Variants in LIPH observed in about 807,000 individuals in gnomAD.
LIPH encodes lipase H, also known as lipase member H.
LIPH carries 32 observed loss-of-function variants against 47.6 expected under a neutral mutation model. The observed-to-expected ratio is 0.67, with a 90% CI of 0.51 to 0.90. LIPH has a LOEUF of 0.90. Ranked by LOEUF, LIPH falls within the 40% of genes least tolerant of loss-of-function variation. The pLI is 0.00. For synonymous variants in LIPH, 190 were observed against 195.6 expected, an observed-to-expected ratio of 0.97 and a Z score of 0.24; for missense variants, 497 against 541.4, an observed-to-expected ratio of 0.92 and a Z score of 0.81.
chr3:185,529,458 C>T (rs1163062727), intron 3 of LIPH, among the ~76,000 whole-genome samples: 9 of 146,818 alleles, frequency 6.1e-5, no homozygotes, highest in South Asian at 4.3e-4. Flanking sequence ...GGAGGAGAGC[C>T]GGTTGTAGGG....
intron 1 of LIPH, among the ~76,000 whole-genome samples, chr3:185,536,287 T>C (rs1577683219): frequency 6.6e-6 from 1 of 152,162 alleles, no homozygotes; most frequent in Admixed American, 6.5e-5. Context: ...TGGGAGATGA[T>C]GAGTATCTTC....
At chr3:185,523,725 A>T (rs1417828079) in intron 5 of LIPH, among the ~76,000 whole-genome samples, 1 of 143,624 alleles carries the variant, frequency 7.0e-6, no homozygotes, top group African/African-American at 2.6e-5. Context: ...CCTTTTTTTT[A>T]ATTTTTATTT....
chr3:185,545,509 A>G (rs550487614), intron 1 of LIPH, among the ~76,000 whole-genome samples: 125 of 152,352 alleles, frequency 8.2e-4, no homozygotes, highest in Middle Eastern at 3.4e-3. Context: ...CTGAATGGCT[A>G]TGACTAATGG....
intron 2 of LIPH, 71 bp from the exon 3 acceptor site, chr3:185,533,750 G>A: frequency 9.8e-7 from 1 of 1,016,496 alleles, no homozygotes; most frequent in Non-Finnish European, 1.6e-6. Flanking sequence ...GAAATTTCCT[G>A]GCTGTTGACT....
At position 185,511,559 on chromosome 3, in the gene LIPH, G is replaced by A. The variant is rs1468579100; in HGVS notation, c.1233C>T (p.Leu411=). 6.2e-7 allele frequency: 1 copy of A among 1,613,992 alleles called. No individual in the cohort carries two copies. Among genetic ancestry groups the A allele is most frequent in the Non-Finnish European group, 8.5e-7 (1 of 1,180,026 alleles). Residue 411 remains leucine, a synonymous_variant, in exon 9 of 10, where the codon CTC becomes CTT. Coordinates refer to ENST00000296252, the MANE Select transcript of LIPH (RefSeq NM_139248.3). ...GGGCAAGGGACCTTAACTTCATTCG[G>A]AGAATCCTGAGCTTGTACCTTGGGC... ...LIGPRYKLRI[L]RMKLRSLAHP...
At chr3:185,534,013 C>A (rs566946418) in intron 2 of LIPH, among the ~76,000 whole-genome samples, 2 of 152,190 alleles carry the variant, frequency 1.3e-5, no homozygotes, top group East Asian at 3.9e-4. Context: ...CACCTGAGGT[C>A]GGGAGTTCGA....
intron 1 of LIPH, among the ~76,000 whole-genome samples, chr3:185,541,316 T>A (rs1720701452): frequency 6.6e-6 from 1 of 152,104 alleles, no homozygotes; most frequent in Admixed American, 6.6e-5. Flanking sequence ...TCAGAATATA[T>A]ACATACACCC....
intron 1 of LIPH, among the ~76,000 whole-genome samples, chr3:185,540,380 T>C (rs1560170455): frequency 6.6e-6 from 1 of 152,288 alleles, no homozygotes; most frequent in East Asian, 1.9e-4. Context: ...GGGAAGTTTA[T>C]AGCTTGCTTT....
At chr3:185,516,984 C>A in intron 7 of LIPH, 83 bp downstream of exon 7, 1 of 922,542 alleles carries the variant, frequency 1.1e-6, no homozygotes, top group Non-Finnish European at 1.8e-6. Context: ...CTCTTATTTG[C>A]CAAGAAGTAG....
chr3:185,520,206 T>A (rs1719857537), intron 5 of LIPH, among the ~76,000 whole-genome samples: 1 of 152,028 alleles, frequency 6.6e-6, no homozygotes, highest in African/African-American at 2.4e-5. Flanking sequence ...TCAGAAGGAA[T>A]TACCAAAATC....
chr3:185,537,410 CTGTG>C (rs1720534842), intron 1 of LIPH, among the ~76,000 whole-genome samples: 1 of 152,092 alleles, frequency 6.6e-6, no homozygotes, highest in Non-Finnish European at 1.5e-5. Context: ...ATCAAGTAGC[CTGTG>C]TAGCGAGGCG....
intron 8 of LIPH, 123 bp downstream of exon 8, chr3:185,514,287 T>G: frequency 1.4e-6 from 1 of 690,450 alleles, no homozygotes; most frequent in Non-Finnish European, 2.7e-6. Context: ...TAGTTCCCCT[T>G]ATATCTTTTA....
intron 3 of LIPH, among the ~76,000 whole-genome samples, chr3:185,532,594 A>T (rs1379814592): frequency 6.6e-6 from 1 of 152,146 alleles, no homozygotes; most frequent in Non-Finnish European, 1.5e-5. Context: ...GTTCGAGACC[A>T]GCCTGGCCAA....
chr3:185,524,232 G>T (rs1719995395), intron 4 of LIPH, 72 bp from the exon 5 acceptor site: 4 of 849,088 alleles, frequency 4.7e-6, no homozygotes, highest in Admixed American at 1.8e-5. Context: ...TGCCTGCCAG[G>T]TATAAGCAGG....
At chr3:185,509,356 C>T (rs1719482234) in intron 9 of LIPH, among the ~76,000 whole-genome samples, 2 of 151,864 alleles carry the variant, frequency 1.3e-5, no homozygotes, top group African/African-American at 4.8e-5. Context: ...TGGCCAGGCA[C>T]GGTGGTTCAC....
At chr3:185,529,943 AAAGAAAGAAAGAAAGAAAGAAG>A (rs1274425025) in intron 3 of LIPH, among the ~76,000 whole-genome samples, 9 of 52,906 alleles carry the variant, frequency 1.7e-4, no homozygotes, top group African/African-American at 4.6e-4. Flanking sequence ...AGAAAGAAAG[AAAGAAAGAAAGAAAGAAAGAAG>A]GAAAGAAAGA....
At chr3:185,537,423 C>T (rs1476413320) in intron 1 of LIPH, among the ~76,000 whole-genome samples, 4 of 152,084 alleles carry the variant, frequency 2.6e-5, no homozygotes, top group Non-Finnish European at 4.4e-5. Context: ...TGTAGCGAGG[C>T]GTGCTCGTGA....
chr3:185,546,352 CAAAAAAA>C (rs56984831), intron 1 of LIPH, among the ~76,000 whole-genome samples: 7 of 60,554 alleles, frequency 1.2e-4, no homozygotes, highest in East Asian at 4.1e-4. Context: ...GACTCCGTCT[CAAAAAAA>C]AAAAAAAAAA....
chr3:185,547,294 T>C (rs947607686), intron 1 of LIPH, among the ~76,000 whole-genome samples: 5 of 152,172 alleles, frequency 3.3e-5, no homozygotes, highest in Non-Finnish European at 4.4e-5. Flanking sequence ...CAGAATTTCA[T>C]GTCAATTTCA....
Sources: gnomAD v4.1 joint callset for allele counts (sites outside exome capture counted in the v4.1 genomes callset) on GRCh38, gnomAD v4.1.1 for gene constraint, MANE v1.5 for transcripts, NCBI Gene and HGNC (gene_info 2026-07-23, HGNC 2026-07-21) for gene names.